The following KLF12 variants were observed in gnomAD, a reference collection of about 807,000 sequenced individuals.
KLF12 encodes KLF transcription factor 12, also known as Krueppel-like factor 12.
In KLF12, 9 loss-of-function variants were observed where a neutral mutation model predicts 37.8. The ratio of observed to expected loss-of-function variants is 0.24; its 90% confidence interval spans 0.14 to 0.42. The LOEUF (loss-of-function observed/expected upper bound fraction) is 0.42. Ranked by LOEUF, KLF12 falls within the 10% of genes least tolerant of loss-of-function variation. The pLI is 1.00. For synonymous variants in KLF12, 208 were observed against 202.1 expected (o/e 1.03, Z -0.25); for missense variants, 411 against 516.0 (o/e 0.80, Z 1.97).
chr13:73,937,144 C>T (rs891406350), intron 3 of KLF12, among the ~76,000 whole-genome samples: 8 of 151,506 alleles, frequency 5.3e-5, no homozygotes, highest in Admixed American at 2.0e-4. Context: ...GAGCTGAGAT[C>T]GTGCCACTGT....
At chr13:74,166,508 A>G in the KLF12 span, among the ~76,000 whole-genome samples, 1 of 152,152 alleles carries the variant, frequency 6.6e-6, no homozygotes, top group Non-Finnish European at 1.5e-5. Flanking sequence ...GACTGCAACT[A>G]ACAAATGATT....
intron 1 of KLF12, among the ~76,000 whole-genome samples, chr13:74,058,419 T>C (rs1486937349): frequency 2.8e-5 from 4 of 140,696 alleles, no homozygotes; most frequent in Admixed American, 1.5e-4. Context: ...TGCAGCGGCA[T>C]CATCTCGGCT....
In KLF12 at chr13:73,763,047, C is replaced by T. The variant is rs138074378; in HGVS notation, c.869+1891G>A. 3.8e-4 allele frequency among the ~76,000 whole-genome samples: 58 copies of T among 152,288 alleles called. 2 individuals carry two copies. In the East Asian group the frequency reaches 0.011, roughly 28 times the overall value. ...CGTGCATCAATCTATAAAGGAAACA[C>T]TAGCTCAACTCTGCTTTTCTTACTA... On this transcript the variant is annotated intron_variant, in intron 6 of 7. Coordinates refer to ENST00000377669, the MANE Select transcript of KLF12 (RefSeq NM_007249.5).
intron 1 of KLF12, among the ~76,000 whole-genome samples, chr13:74,011,307 G>A: frequency 6.6e-6 from 1 of 150,818 alleles, no homozygotes; most frequent in East Asian, 1.9e-4. Flanking sequence ...TCACAGTACT[G>A]CAGAGGCAAA....
chr13:73,737,942 T>C lies in KLF12; in HGVS notation c.870-22417A>G, dbSNP rs573946850. On this transcript the variant is annotated intron_variant, in intron 6 of 7. Coordinates refer to ENST00000377669, the MANE Select transcript of KLF12 (RefSeq NM_007249.5). Reference sequence around the variant, plus strand: ...CAACAACATCAAAATATGTGAAGATTACATTCTGGCAGATGTGAGAAACAG... The same window carrying C: ...CAACAACATCAAAATATGTGAAGATCACATTCTGGCAGATGTGAGAAACAG... 2.3e-4 allele frequency among the ~76,000 whole-genome samples: 35 copies of C among 150,502 alleles called. No individual in the cohort carries two copies. The East Asian group carries it at 3.5e-3, about 15-fold the overall frequency.
the KLF12 span, among the ~76,000 whole-genome samples, chr13:74,261,442 G>A: frequency 1.3e-5 from 2 of 152,152 alleles, no homozygotes; most frequent in African/African-American, 4.8e-5. Flanking sequence ...ATTAGATGGA[G>A]TATGATAGGA....
intron 3 of KLF12, among the ~76,000 whole-genome samples, chr13:73,914,368 G>A (rs932582941): frequency 2.6e-5 from 4 of 152,180 alleles, no homozygotes; most frequent in African/African-American, 9.6e-5. Context: ...GGGTGGTTGT[G>A]CTTATTAAAG....
intron 1 of KLF12, among the ~76,000 whole-genome samples, chr13:74,055,227 T>C: frequency 6.6e-6 from 1 of 152,212 alleles, no homozygotes; most frequent in Non-Finnish European, 1.5e-5. Context: ...CAAAATATCG[T>C]GTAGTGTTGG....
the KLF12 span, among the ~76,000 whole-genome samples, chr13:74,293,899 C>G: frequency 7.9e-5 from 12 of 152,142 alleles, no homozygotes; most frequent in Admixed American, 7.9e-4. Context: ...TGTATAGAGT[C>G]ATGATTGAAA....
chr13:73,733,870 C>A (rs374074987), intron 6 of KLF12, among the ~76,000 whole-genome samples: 11 of 152,114 alleles, frequency 7.2e-5, no homozygotes, highest in African/African-American at 2.7e-4. Flanking sequence ...GTGAAGTGGT[C>A]GCTCACAGTC....
the KLF12 span, among the ~76,000 whole-genome samples, chr13:74,246,893 G>A: frequency 6.6e-6 from 1 of 152,186 alleles, no homozygotes; most frequent in African/African-American, 2.4e-5. Context: ...GGTCAGAGGA[G>A]TTAATTACTT....
At chr13:73,877,646 CCTT>C (rs1463848666) in intron 3 of KLF12, among the ~76,000 whole-genome samples, 4 of 152,152 alleles carry the variant, frequency 2.6e-5, no homozygotes, top group African/African-American at 9.6e-5. Flanking sequence ...ACTGATGTCA[CCTT>C]CTTGCTAGTA....
chr13:74,298,185 C>G, the KLF12 span, among the ~76,000 whole-genome samples: 1 of 152,164 alleles, frequency 6.6e-6, no homozygotes, highest in African/African-American at 2.4e-5. Flanking sequence ...TACTCTGTCA[C>G]TACAGATGCC....
chr13:74,233,363 C>A, the KLF12 span, among the ~76,000 whole-genome samples: 1 of 152,092 alleles, frequency 6.6e-6, no homozygotes, highest in Non-Finnish European at 1.5e-5. Flanking sequence ...GAAATGCATA[C>A]CTGTGGTGGG....
In KLF12 at chr13:73,691,531, C is replaced by T. The variant is rs1168059777; in HGVS notation, c.*3959G>A. 2 of 152,630 alleles carry T rather than the reference C, an allele frequency of 1.3e-5. No homozygotes were observed. Among genetic ancestry groups the T allele is most frequent in the Admixed American group, 1.3e-4 (2 of 15,278 alleles). The allele number at this position is 152,630 out of a possible 1,614,324, so 9.5% of individuals were successfully genotyped here. ...TCACATTCAGTCCCTTATACGCAGA[C>T]TGTAACATGGATGCTGGTATTCTTA... On this transcript the variant is annotated 3_prime_UTR_variant, in exon 8 of 8. Transcript: ENST00000377669.
rs565674012 is a variant in KLF12 at position 73,739,689 on chromosome 13, T to C, written c.870-24164A>G. On this transcript the variant is annotated intron_variant, in intron 6 of 7. Transcript: ENST00000377669. ...GCAGCACTAGAGTCTCCTTTTTTTT[T>C]CCTTCTAATTCTAGGGTAAGTTCAC... Among the ~76,000 whole-genome samples the C allele has an allele frequency of 5.8e-5, 7 of 120,080 alleles. No homozygotes were observed. In the East Asian group the frequency reaches 1.6e-3, roughly 28 times the overall value. 78.8% of individuals were successfully genotyped at this position (120,080 alleles called of 152,430 possible). A position where few individuals can be genotyped will look rare whatever the true frequency, so the allele number is the denominator to read the frequency against.
intron 1 of KLF12, among the ~76,000 whole-genome samples, chr13:74,080,020 T>G (rs750108081): frequency 2.0e-5 from 3 of 152,222 alleles, no homozygotes; most frequent in Non-Finnish European, 4.4e-5. Context: ...AGACACATAC[T>G]ATGTACTATT....
chr13:73,846,527 C>T (rs1166993374), intron 3 of KLF12, among the ~76,000 whole-genome samples, 154 bp from the exon 4 acceptor site: 2 of 152,128 alleles, frequency 1.3e-5, no homozygotes, highest in Non-Finnish European at 2.9e-5. Flanking sequence ...CAGAGACAGT[C>T]ACTGTGATTA....
intron 1 of KLF12, among the ~76,000 whole-genome samples, chr13:74,063,762 C>T (rs1165971968): frequency 1.3e-5 from 2 of 152,152 alleles, no homozygotes; most frequent in Admixed American, 6.5e-5. Context: ...TATTAGACTA[C>T]CAAATTTTAT....
Sources: gnomAD v4.1 joint callset for allele counts (sites outside exome capture counted in the v4.1 genomes callset) on GRCh38, gnomAD v4.1.1 for gene constraint, MANE v1.5 for transcripts, NCBI Gene and HGNC (gene_info 2026-07-23, HGNC 2026-07-21) for gene names.